GSK3B: variants seen among roughly 807,000 people sequenced by gnomAD.
The protein encoded by GSK3B is glycogen synthase kinase 3 beta, also known as glycogen synthase kinase-3 beta.
A neutral mutation model predicts 56.4 loss-of-function variants in GSK3B; 15 were observed. The observed-to-expected ratio is 0.27, with a 90% confidence interval of 0.18 to 0.41. GSK3B has a LOEUF of 0.41. Ranked by LOEUF, GSK3B falls within the 10% of genes least tolerant of loss-of-function variation. GSK3B has a pLI of 1.00. For synonymous variants in GSK3B, 181 were observed against 188.9 expected (o/e 0.96, Z 0.34); for missense variants, 300 against 513.4 (o/e 0.58, Z 4.02).
intron 2 of GSK3B, among the ~76,000 whole-genome samples, chr3:119,949,330 G>A (rs2057131700): frequency 6.6e-6 from 1 of 152,170 alleles, no homozygotes; most frequent in Non-Finnish European, 1.5e-5. Context: ...AGATAAGGAA[G>A]TTAGAGAAAA....
intron 2 of GSK3B, among the ~76,000 whole-genome samples, chr3:119,992,687 A>G (rs1254540289): frequency 6.6e-6 from 1 of 152,038 alleles, no homozygotes; most frequent in African/African-American, 2.4e-5. Context: ...CACATATCAC[A>G]CCTAATATAA....
intron 1 of GSK3B, among the ~76,000 whole-genome samples, chr3:120,089,409 G>A (rs60235167): frequency 0.24 from 36,607 of 152,056 alleles, 4,866 homozygotes; most frequent in East Asian, 0.48. Context: ...CATTAACACA[G>A]GATTATCAAG....
chr3:120,047,771 A>G (rs1481956678), intron 1 of GSK3B, among the ~76,000 whole-genome samples: 1 of 152,218 alleles, frequency 6.6e-6, no homozygotes, highest in Non-Finnish European at 1.5e-5. Context: ...TATTTTAAAA[A>G]CAAAGCAACA....
chr3:119,983,672 T>C (rs1278816486), intron 2 of GSK3B, among the ~76,000 whole-genome samples: 3 of 152,138 alleles, frequency 2.0e-5, no homozygotes, highest in Admixed American at 6.5e-5. Flanking sequence ...CCTAAAGATA[T>C]ATGCACCCAA....
chr3:120,054,451 A>G (rs796892923), intron 1 of GSK3B, among the ~76,000 whole-genome samples: 8 of 152,158 alleles, frequency 5.3e-5, no homozygotes, highest in African/African-American at 1.9e-4. Flanking sequence ...TCCTAAATCT[A>G]ATAAACACTT....
chr3:119,931,809 T>C (rs2056948555), intron 3 of GSK3B, among the ~76,000 whole-genome samples: 1 of 152,202 alleles, frequency 6.6e-6, no homozygotes, highest in Admixed American at 6.5e-5. Context: ...TCTGCTATTA[T>C]ACAAAGTGGA....
Position 120,052,824 on chromosome 3 carries a change from A to G in GSK3B, c.88+40523T>C, listed in dbSNP as rs190049063. On this transcript the variant is annotated intron_variant, in intron 1 of 10. Transcript: ENST00000264235. ...ATTAACAGCTGTTTACTGAGTAAGTACCTAGTTTGTACCAAGCTATGTTTT... is the reference window on the plus strand; with the variant it reads ...ATTAACAGCTGTTTACTGAGTAAGTGCCTAGTTTGTACCAAGCTATGTTTT... 9.1e-4 allele frequency among the ~76,000 whole-genome samples: 139 copies of G among 152,346 alleles called. 1 individual carries two copies. Among genetic ancestry groups the G allele is most frequent in the African/African-American group, 3.3e-3 (138 of 41,588 alleles).
chr3:119,932,694 A>G (rs1236026730), intron 3 of GSK3B, among the ~76,000 whole-genome samples: 2 of 152,148 alleles, frequency 1.3e-5, no homozygotes, highest in Non-Finnish European at 1.5e-5. Flanking sequence ...AACCATGACA[A>G]TTTGGCAAAT....
At chr3:119,947,106 A>G (rs2057108130) in intron 3 of GSK3B, among the ~76,000 whole-genome samples, 162 bp downstream of exon 3, 1 of 152,210 alleles carries the variant, frequency 6.6e-6, no homozygotes, top group Non-Finnish European at 1.5e-5. Flanking sequence ...GATATAACTA[A>G]TGATATCAAT....
At chr3:119,995,146 G>C (rs114715892) in intron 2 of GSK3B, among the ~76,000 whole-genome samples, 2,311 of 150,236 alleles carry the variant, frequency 0.015, 58 homozygotes, top group African/African-American at 0.054. Flanking sequence ...GGCAAAACAG[G>C]GAGACACTGT....
At chr3:119,874,873 A>C (rs1234803152) in intron 8 of GSK3B, among the ~76,000 whole-genome samples, 2 of 152,066 alleles carry the variant, frequency 1.3e-5, no homozygotes, top group Non-Finnish European at 2.9e-5. Flanking sequence ...AGTATACTAC[A>C]AATCACTTAC....
intron 9 of GSK3B, among the ~76,000 whole-genome samples, chr3:119,846,172 G>A (rs866596228): frequency 4.6e-5 from 7 of 152,018 alleles, no homozygotes; most frequent in Admixed American, 3.3e-4. Context: ...AGACTTAAAC[G>A]TAAGACCTAA....
At chr3:119,846,976 T>C (rs754190918) in intron 9 of GSK3B, among the ~76,000 whole-genome samples, 5 of 152,216 alleles carry the variant, frequency 3.3e-5, no homozygotes, top group Non-Finnish European at 7.3e-5. Flanking sequence ...AATGAGTTCA[T>C]GTCTTTTGCA....
At chr3:119,922,105 C>G (rs1157936305) in intron 4 of GSK3B, among the ~76,000 whole-genome samples, 1 of 151,334 alleles carries the variant, frequency 6.6e-6, no homozygotes, top group Non-Finnish European at 1.5e-5. Flanking sequence ...CCACTGCACT[C>G]CAGCCTGGGC....
At chr3:119,943,330 A>T (rs986595431) in intron 3 of GSK3B, among the ~76,000 whole-genome samples, 11 of 152,216 alleles carry the variant, frequency 7.2e-5, no homozygotes, top group Non-Finnish European at 1.5e-4. Context: ...TTCTAAAATT[A>T]AAAATAACAA....
intron 7 of GSK3B, among the ~76,000 whole-genome samples, chr3:119,895,170 T>C (rs1480554786): frequency 6.6e-6 from 1 of 152,140 alleles, no homozygotes; most frequent in Non-Finnish European, 1.5e-5. Flanking sequence ...AGTAAGACCA[T>C]GCAATATTTC....
chr3:120,046,308 T>C (rs1431788379), intron 1 of GSK3B, among the ~76,000 whole-genome samples: 2 of 152,194 alleles, frequency 1.3e-5, no homozygotes, highest in Non-Finnish European at 2.9e-5. Flanking sequence ...TCAATATTAG[T>C]TCATCAATTG....
At chr3:120,028,068 G>C (rs1228417474) in intron 1 of GSK3B, among the ~76,000 whole-genome samples, 2 of 152,168 alleles carry the variant, frequency 1.3e-5, no homozygotes, top group African/African-American at 4.8e-5. Flanking sequence ...GATGAATTGA[G>C]TGCCTCATTC....
chr3:120,000,516 T>G (rs977763252), intron 2 of GSK3B, among the ~76,000 whole-genome samples: 4 of 152,158 alleles, frequency 2.6e-5, no homozygotes, highest in Admixed American at 1.3e-4. Context: ...ACCAGAACAG[T>G]GATCACTTCT....
Sources: allele counts gnomAD v4.1 joint callset (sites outside exome capture counted in the v4.1 genomes callset), GRCh38; gene constraint gnomAD v4.1.1; transcripts MANE v1.5; gene names NCBI Gene and HGNC (gene_info 2026-07-23, HGNC 2026-07-21).